The following ERICH1 variants were observed in gnomAD, a reference collection of about 807,000 sequenced individuals.
The protein encoded by ERICH1 is glutamate rich 1.
ERICH1 carries 56 observed loss-of-function variants against 39.6 expected under a neutral mutation model. The ratio of observed to expected loss-of-function variants is 1.41; its 90% CI spans 1.14 to 1.77. The LOEUF is 1.77. Among genes scored for constraint, ERICH1 ranks in the 40% most tolerant of loss-of-function variants. The pLI is 0.00. For missense variants in ERICH1, 826 were observed against 575.4 expected (o/e 1.44, Z -4.45); for synonymous variants, 313 against 223.6 (o/e 1.40, Z -3.57).
chr8:681,942 C>A (rs781574359), intron 3 of ERICH1, among the ~76,000 whole-genome samples: 1 of 152,222 alleles, frequency 6.6e-6, no homozygotes, highest in Non-Finnish European at 1.5e-5. Flanking sequence ...GACGTCTGAT[C>A]GCCCTGTCTG....
At chr8:663,248 C>T (rs566148542), downstream of ERICH1, among the ~76,000 whole-genome samples, 2 of 152,114 alleles carry the variant, frequency 1.3e-5, no homozygotes, top group African/African-American at 4.8e-5. Flanking sequence ...GGCTTCCTTC[C>T]CCTCCCTCCA....
chr8:696,133 A>C (rs1480017775), intron 2 of ERICH1, among the ~76,000 whole-genome samples: 1 of 6,416 alleles, frequency 1.6e-4, no homozygotes, highest in African/African-American at 7.9e-4. Flanking sequence ...GGCTCCTCTC[A>C]CCCTCCACTC....
chr8:692,547 C>A lies in ERICH1; in HGVS notation c.235G>T (p.Val79Phe), dbSNP rs770670993. 1 of 1,613,662 alleles carries A rather than the reference C, an allele frequency of 6.2e-7. No individual in the cohort carries two copies. The highest frequency in any genetic ancestry group is 8.5e-7 in the Non-Finnish European group (1 of 1,179,834). The change falls in exon 3 of 6, where the codon GTC becomes TTC. Residue 79 changes from valine to phenylalanine, a missense_variant. By Grantham distance (50) the Val-to-Phe change is conservative. Coordinates refer to ENST00000262109, the MANE Select transcript of ERICH1 (RefSeq NM_207332.3). Reference protein sequence around the residue: ...YTASGPPEGYVPCWPEPSSCG... With the variant: ...YTASGPPEGYFPCWPEPSSCG... The stretch of plus-strand genomic sequence containing the variant: ...CTGCTGGGCTCCGGCCAACAGGGGA[C>A]GTAGCCCTCAGGAGGCCCGCTGGCA...
chr8:727,986 C>T (rs141943654), intron 1 of ERICH1, among the ~76,000 whole-genome samples: 164 of 152,318 alleles, frequency 1.1e-3, no homozygotes, highest in African/African-American at 3.6e-3. Context: ...AGACAGGGAG[C>T]GGCCGGACAG....
At position 675,131 on chromosome 8, in the gene ERICH1, C is replaced by T. The variant is rs544843652; in HGVS notation, c.305-1084G>A. Reference sequence around the variant, plus strand: ...GGACAGAGACGTGGCGGCCCCTCGGCGAGGACAGAGACGCGGCGGCCCCTC... The same window carrying T: ...GGACAGAGACGTGGCGGCCCCTCGGTGAGGACAGAGACGCGGCGGCCCCTC... On this transcript the variant is annotated intron_variant, in intron 3 of 5. Transcript: ENST00000262109. 9.1e-4 allele frequency among the ~76,000 whole-genome samples: 121 copies of T among 132,972 alleles called. 5 individuals are homozygous for T. Among genetic ancestry groups the T allele is most frequent in the African/African-American group, 3.1e-3 (110 of 35,048 alleles). The allele number at this position is 132,972 out of a possible 152,430, so 87.2% of individuals were successfully genotyped here.
At position 725,469 on chromosome 8, in the gene ERICH1, T is replaced by A. The variant is rs1161983853; in HGVS notation, c.22+5671A>T. 2.0e-5 allele frequency: 3 copies of A among 152,360 alleles called. No homozygotes were observed. In the East Asian group the frequency reaches 5.8e-4, roughly 29 times the overall value. The allele number at this position is 152,360 out of a possible 1,614,324, so 9.4% of individuals were successfully genotyped here. On this transcript the variant is annotated intron_variant, in intron 1 of 5. Coordinates refer to ENST00000262109, the MANE Select transcript of ERICH1 (RefSeq NM_207332.3). ...GGACTGACCTCGGTGGCCATCCCCATCGAGACCTAGGCCTGCTGTGCACTG... is the reference window on the plus strand; with the variant it reads ...GGACTGACCTCGGTGGCCATCCCCAACGAGACCTAGGCCTGCTGTGCACTG...
chr8:705,499 A>T (rs1412316887), intron 2 of ERICH1, among the ~76,000 whole-genome samples: 3 of 152,248 alleles, frequency 2.0e-5, no homozygotes, highest in African/African-American at 7.2e-5. Context: ...AAAAAAAATC[A>T]ATAAACTGGG....
At chr8:688,064 C>G (rs974617288) in intron 3 of ERICH1, among the ~76,000 whole-genome samples, 12 of 152,290 alleles carry the variant, frequency 7.9e-5, no homozygotes, top group East Asian at 7.8e-4. Context: ...GGCGCGCGGT[C>G]AAATTCCTCA....
chr8:674,585 T>A (rs1200293351), intron 3 of ERICH1, among the ~76,000 whole-genome samples: 2 of 152,260 alleles, frequency 1.3e-5, no homozygotes. Context: ...ATTTCAGGAA[T>A]GAGCCATTGC....
At chr8:619,537 G>A (rs1487459726) in intron 3 of ERICH1, among the ~76,000 whole-genome samples, 1 of 152,210 alleles carries the variant, frequency 6.6e-6, no homozygotes, top group Non-Finnish European at 1.5e-5. Flanking sequence ...ACATCAGATA[G>A]TAACCAGTAT....
chr8:643,396 C>T (rs574787582), intron 3 of ERICH1, among the ~76,000 whole-genome samples: 2 of 152,316 alleles, frequency 1.3e-5, no homozygotes, highest in South Asian at 2.1e-4. Flanking sequence ...GAGTCTGGCA[C>T]ATTCCAGCCT....
chr8:630,087 C>T (rs1247132028), intron 3 of ERICH1, among the ~76,000 whole-genome samples: 1 of 125,828 alleles, frequency 7.9e-6, no homozygotes. Flanking sequence ...AGCACCCACA[C>T]AGACAGAGCT....
Position 673,600 on chromosome 8 carries a change from G to C in ERICH1, c.752C>G (p.Ala251Gly), listed in dbSNP as rs755450433. Residue 251 changes from alanine to glycine, a missense_variant, in exon 4 of 6, where the codon GCG becomes GGG. By Grantham distance (60) the Ala-to-Gly change is moderately conservative. Coordinates refer to ENST00000262109, the MANE Select transcript of ERICH1 (RefSeq NM_207332.3). ...TGTCGGATCTTCCTCACTGGCGTCC[G>C]CACCCTCTTCCTGCCTGGCCCGTGT... ...DLTRARQEEGADASEEDPTPA... is the reference protein window; with the variant it reads ...DLTRARQEEGGDASEEDPTPA... 1 of 1,546,316 alleles carries C rather than the reference G, an allele frequency of 6.5e-7. No individual in the cohort carries two copies.
At chr8:683,454 C>T (rs1806590881) in intron 3 of ERICH1, among the ~76,000 whole-genome samples, 2 of 152,180 alleles carry the variant, frequency 1.3e-5, no homozygotes, top group African/African-American at 2.4e-5. Flanking sequence ...TGAACACCCT[C>T]GGAATAAAGA....
At chr8:640,162 G>T (rs1358819789) in intron 3 of ERICH1, among the ~76,000 whole-genome samples, 1 of 152,202 alleles carries the variant, frequency 6.6e-6, no homozygotes, top group Non-Finnish European at 1.5e-5. Context: ...AGATAACCGA[G>T]AAACTGAGTG....
chr8:692,701 T>G, intron 2 of ERICH1, 89 bp from the exon 3 acceptor site: 8 of 1,370,810 alleles, frequency 5.8e-6, no homozygotes, highest in Admixed American at 3.2e-5. Flanking sequence ...ATTGTTTCTC[T>G]AAATTCATTC....
intron 3 of ERICH1, among the ~76,000 whole-genome samples, chr8:635,630 G>T (rs1383084236): frequency 6.6e-6 from 1 of 152,194 alleles, no homozygotes; most frequent in African/African-American, 2.4e-5. Flanking sequence ...ATGTGTCCAG[G>T]GACTCCCAGC....
At chr8:656,747 G>A (rs62486239) in intron 3 of ERICH1, 4 of 985,290 alleles carry the variant, frequency 4.1e-6, no homozygotes, top group Non-Finnish European at 4.8e-6. Context: ...TTCTACAAGG[G>A]GCCTCAGCTA....
chr8:639,196 T>C (rs1365357871), intron 3 of ERICH1, among the ~76,000 whole-genome samples: 1 of 152,100 alleles, frequency 6.6e-6, no homozygotes, highest in Non-Finnish European at 1.5e-5. Flanking sequence ...ATAAAGACAC[T>C]TGGATCTGGG....
Sources: gnomAD v4.1 joint callset for allele counts (sites outside exome capture counted in the v4.1 genomes callset) on GRCh38, gnomAD v4.1.1 for gene constraint, MANE v1.5 for transcripts, NCBI Gene and HGNC (gene_info 2026-07-23, HGNC 2026-07-21) for gene names.